CDC16: variants seen among roughly 807,000 people sequenced by gnomAD.
The protein encoded by CDC16 is cell division cycle 16.
In CDC16, 34 loss-of-function variants were observed where a neutral mutation model predicts 87.0. That is an observed-to-expected ratio of 0.39 (90% CI 0.30 to 0.52). The LOEUF (loss-of-function observed/expected upper bound fraction) is 0.52. Among genes scored for constraint, CDC16 ranks in the 20% least tolerant of loss-of-function variants. The pLI is 0.74. For synonymous variants in CDC16, 263 were observed against 260.6 expected (o/e 1.01, Z -0.09); for missense variants, 653 against 751.9 (o/e 0.87, Z 1.54).
intron 12 of CDC16, 114 bp downstream of exon 12, chr13:114,250,788 T>C: frequency 9.6e-7 from 1 of 1,036,800 alleles, no homozygotes. Flanking sequence ...AACATTTTAC[T>C]TGCCTTTTAA....
At chr13:114,255,585 C>T (rs1433499009) in intron 12 of CDC16, among the ~76,000 whole-genome samples, 2 of 151,086 alleles carry the variant, frequency 1.3e-5, no homozygotes, top group Non-Finnish European at 2.9e-5. Flanking sequence ...GCATAAATTC[C>T]AAAATTAAAA....
chr13:114,239,373 G>A lies in CDC16; in HGVS notation c.264G>A (p.Gln88=). Residue 88 remains glutamine (Q), a synonymous_variant, in exon 5 of 18, where the codon CAG becomes CAA. Coordinates refer to ENST00000356221, the MANE Select transcript of CDC16 (RefSeq NM_001078645.3). ...RCHYAAKEHQ[Q]ALDVLDMEEP... Reference sequence around the variant, plus strand: ...AGTATGCTGCAAAAGAGCACCAGCAGGCCCTTGATGTTCTTGACATGGAAG... The same window carrying A: ...AGTATGCTGCAAAAGAGCACCAGCAAGCCCTTGATGTTCTTGACATGGAAG... The A allele has an allele frequency of 6.2e-7, 1 of 1,608,836 alleles. No homozygotes were observed.
intron 12 of CDC16, among the ~76,000 whole-genome samples, chr13:114,252,053 C>G (rs1358603132): frequency 1.3e-5 from 2 of 151,066 alleles, no homozygotes; most frequent in Admixed American, 6.6e-5. Context: ...GAGCCCTACA[C>G]TAACCCTATT....
intron 9 of CDC16, 147 bp downstream of exon 9, chr13:114,245,116 G>A: frequency 1.9e-6 from 1 of 518,702 alleles, no homozygotes; most frequent in Non-Finnish European, 3.4e-6. Context: ...AACTGGGGAG[G>A]AAATGTTTAG....
intron 17 of CDC16, 116 bp from the exon 18 acceptor site, chr13:114,272,063 TTTGTA>T (rs1379981422): frequency 3.5e-6 from 2 of 574,204 alleles, no homozygotes; most frequent in Non-Finnish European, 6.0e-6. Flanking sequence ...ATGATGGAGT[TTTGTA>T]TTTTATTCTA....
At chr13:114,271,713 C>CCT (rs1181774822) in intron 17 of CDC16, among the ~76,000 whole-genome samples, 1 of 152,040 alleles carries the variant, frequency 6.6e-6, no homozygotes, top group East Asian at 1.9e-4. Context: ...GATCTCCTGA[C>CCT]CTTGTGATCT....
rs764047642 is a variant in CDC16, at chr13:114,239,346, G to A, written c.241-4G>A. 22 of 1,597,786 alleles carry A rather than the reference G, an allele frequency of 1.4e-5. No individual in the cohort carries two copies. The highest frequency in any genetic ancestry group is 1.8e-5 in the Non-Finnish European group (21 of 1,168,386). On this transcript the variant is annotated splice_polypyrimidine_tract_variant and splice_region_variant and intron_variant, in intron 4 of 17. Coordinates refer to ENST00000356221, the MANE Select transcript of CDC16 (RefSeq NM_001078645.3). The stretch of plus-strand genomic sequence containing the variant: ...GATGAGCGGCACTTCTGTTTTCCAC[G>A]TAGTATGCTGCAAAAGAGCACCAGC...
intron 7 of CDC16, 77 bp downstream of exon 7, chr13:114,243,425 T>G: frequency 1.4e-6 from 1 of 736,076 alleles, no homozygotes; most frequent in South Asian, 1.6e-5. Context: ...AGTCTTATAT[T>G]AAGTTTTCAA....
In CDC16 at chr13:114,272,389, A is replaced by G; in HGVS notation, c.1809A>G (p.Glu603=). ...CCTTGGAAGAAACCTTTGAAATTGA[A>G]ATGAATGAAAGTGACATGATGTTAG... The part of the protein sequence containing the change: ...RPSLEETFEI[E]MNESDMMLET... Residue 603 remains glutamate, a synonymous_variant, in exon 18 of 18, where the codon GAA becomes GAG. Coordinates refer to ENST00000356221, the MANE Select transcript of CDC16 (RefSeq NM_001078645.3). The G allele has an allele frequency of 1.9e-6, 3 of 1,614,108 alleles. No individual in the cohort carries two copies. Among genetic ancestry groups the G allele is most frequent in the Non-Finnish European group, 2.5e-6 (3 of 1,179,914 alleles).
intron 13 of CDC16, among the ~76,000 whole-genome samples, chr13:114,258,612 T>C (rs867161914): frequency 2.0e-5 from 3 of 152,222 alleles, no homozygotes; most frequent in Non-Finnish European, 4.4e-5. Context: ...CTGCTGGCCC[T>C]GACTTCAATA....
In CDC16 at chr13:114,261,878, A is replaced by C; in HGVS notation, c.1315-9A>C. Reference sequence around the variant, plus strand: ...TATAACTCGTGGGCTTGATGTTGCTATGTTTTAGGTAACAGTTGACAAATG... The same window carrying C: ...TATAACTCGTGGGCTTGATGTTGCTCTGTTTTAGGTAACAGTTGACAAATG... On this transcript the variant is annotated splice_polypyrimidine_tract_variant and intron_variant, in intron 14 of 17. Coordinates refer to ENST00000356221, the MANE Select transcript of CDC16 (RefSeq NM_001078645.3). 1 of 1,591,568 alleles carries C rather than the reference A, an allele frequency of 6.3e-7. No individual in the cohort carries two copies. Among genetic ancestry groups the C allele is most frequent in the Non-Finnish European group, 8.6e-7 (1 of 1,168,186 alleles).
rs529642137 is a variant in CDC16, at chr13:114,252,660, A to G, written c.1097+1986A>G. ...ATTTGTTACCAAAAAAAAAATCTCA[A>G]TAATTCACTATGAGTTGGTTTTTAT... On this transcript the variant is annotated intron_variant, in intron 12 of 17. Transcript: ENST00000356221. Among the ~76,000 whole-genome samples the G allele has an allele frequency of 2.6e-5, 4 of 152,164 alleles. No homozygotes were observed. In the South Asian group the frequency reaches 8.3e-4, roughly 32 times the overall value.
intron 17 of CDC16, among the ~76,000 whole-genome samples, chr13:114,267,822 CCTTA>C (rs1166810366): frequency 2.0e-5 from 3 of 148,050 alleles, no homozygotes; most frequent in Non-Finnish European, 2.9e-5. Flanking sequence ...GTGTAACCTC[CCTTA>C]CTTTATCATA....
chr13:114,259,099 A>G (rs76478896), intron 13 of CDC16, among the ~76,000 whole-genome samples: 2 of 148,774 alleles, frequency 1.3e-5, no homozygotes. Context: ...ACTCTTAAAA[A>G]AAAAAAAAAA....
intron 11 of CDC16, among the ~76,000 whole-genome samples, chr13:114,249,191 A>C (rs1188960205): frequency 6.6e-6 from 1 of 151,722 alleles, no homozygotes. Flanking sequence ...TCTCGTAAGG[A>C]GTGCGCCACC....
chr13:114,243,164 G>A, intron 6 of CDC16, 93 bp from the exon 7 acceptor site: 2 of 697,504 alleles, frequency 2.9e-6, no homozygotes, highest in Non-Finnish European at 5.2e-6. Flanking sequence ...GATTTACTTA[G>A]ACCAAGAACT....
In CDC16 at chr13:114,238,312, C is replaced by G. The variant is rs1020601147; in HGVS notation, c.202-678C>G. On this transcript the variant is annotated intron_variant, in intron 3 of 17. Coordinates refer to ENST00000356221, the MANE Select transcript of CDC16 (RefSeq NM_001078645.3). ...GCTCCTCGGACGCCCAGCAGTTATTCACACTCAGGGCCTGAAGTGGAGCTG... is the reference window on the plus strand; with the variant it reads ...GCTCCTCGGACGCCCAGCAGTTATTGACACTCAGGGCCTGAAGTGGAGCTG... Among the ~76,000 whole-genome samples, 5 of 147,226 alleles carry G rather than the reference C, an allele frequency of 3.4e-5. No homozygotes were observed. In the East Asian group the frequency reaches 1.0e-3, roughly 29 times the overall value.
intron 15 of CDC16, 87 bp downstream of exon 15, chr13:114,262,035 G>C: frequency 1.3e-6 from 1 of 750,628 alleles, no homozygotes. Flanking sequence ...CTTATTTCAT[G>C]AGATCAACCA....
Position 114,250,562 on chromosome 13 carries a change from C to T in CDC16, c.985C>T (p.Leu329Phe). ...ARRYLSKATT[L>F]EKTYGPAWIA... ...CTTTTGTTTTAGCAAAGCCACAACA[C>T]TTGAGAAAACCTATGGACCTGCATG... The change falls in exon 12 of 18, where the codon CTT (leucine) becomes TTT (phenylalanine). Residue 329 changes from leucine to phenylalanine, a missense_variant. Physicochemically the swap from Leu to Phe is conservative, Grantham distance 22. Transcript: ENST00000356221. 1 of 1,613,184 alleles carries T rather than the reference C, an allele frequency of 6.2e-7. No homozygotes were observed. Among genetic ancestry groups the T allele is most frequent in the Non-Finnish European group, 8.5e-7 (1 of 1,179,490 alleles).
Sources: allele counts gnomAD v4.1 joint callset (sites outside exome capture counted in the v4.1 genomes callset), GRCh38; gene constraint gnomAD v4.1.1; transcripts MANE v1.5; gene names NCBI Gene and HGNC (gene_info 2026-07-23, HGNC 2026-07-21).